GPR15LG: variants seen among roughly 807,000 people sequenced by gnomAD.
The protein encoded by GPR15LG is protein GPR15LG.
the GPR15LG span, among the ~76,000 whole-genome samples, chr10:84,174,974 G>A: frequency 2.0e-5 from 3 of 152,038 alleles, no homozygotes; most frequent in African/African-American, 7.2e-5. Context: ...TTCAAGAGTA[G>A]CCATGTTCAA....
chr10:84,184,898 C>G, the GPR15LG span: 1 of 1,498,918 alleles, frequency 6.7e-7, no homozygotes. Flanking sequence ...TCTCGGGCTG[C>G]AAGGACCCTG....
At chr10:84,183,652 TTA>T in the GPR15LG span, among the ~76,000 whole-genome samples, 3 of 151,672 alleles carry the variant, frequency 2.0e-5, no homozygotes, top group African/African-American at 7.3e-5. Flanking sequence ...TGTTTATTAT[TTA>T]TTTTTTTTTT....
the GPR15LG span, among the ~76,000 whole-genome samples, chr10:84,180,406 ACGGGGTGGCGGCCGGGCAGAG>A: frequency 6.6e-6 from 1 of 152,070 alleles, no homozygotes; most frequent in Non-Finnish European, 1.5e-5. Context: ...CACCTCCCAG[ACGGGGTGGCGGCCGGGCAGAG>A]GGGCTCCTCA....
At chr10:84,176,182 C>T in the GPR15LG span, among the ~76,000 whole-genome samples, 1 of 152,198 alleles carries the variant, frequency 6.6e-6, no homozygotes, top group Non-Finnish European at 1.5e-5. Flanking sequence ...GCCACCACAC[C>T]CAGCTCAGGC....
chr10:84,176,448 G>T, the GPR15LG span: 1 of 1,511,568 alleles, frequency 6.6e-7, no homozygotes, highest in Non-Finnish European at 9.2e-7. Context: ...GCCCACTAAA[G>T]ACAGTCTCTC....
chr10:84,178,672 T>C, the GPR15LG span, among the ~76,000 whole-genome samples: 1 of 152,068 alleles, frequency 6.6e-6, no homozygotes, highest in African/African-American at 2.4e-5. Flanking sequence ...GCACACACAG[T>C]GCATAGGAGA....
chr10:84,179,308 G>A, the GPR15LG span, among the ~76,000 whole-genome samples: 2 of 152,180 alleles, frequency 1.3e-5, no homozygotes, highest in East Asian at 1.9e-4. Flanking sequence ...ATGGTGCCCC[G>A]TAAACATGTC....
the GPR15LG span, among the ~76,000 whole-genome samples, chr10:84,179,318 C>T: frequency 1.3e-5 from 2 of 152,194 alleles, no homozygotes; most frequent in African/African-American, 2.4e-5. Flanking sequence ...GTAAACATGT[C>T]CTGCTGTTGC....
At chr10:84,176,351 C>T in the GPR15LG span, 1 of 724,822 alleles carries the variant, frequency 1.4e-6, no homozygotes, top group African/African-American at 1.7e-5. Flanking sequence ...TTCCCTAGGA[C>T]CTCTCGTAGC....
the GPR15LG span, among the ~76,000 whole-genome samples, chr10:84,175,051 T>A: frequency 1.3e-5 from 2 of 152,224 alleles, no homozygotes; most frequent in Admixed American, 6.5e-5. Flanking sequence ...TGTTCAAGGT[T>A]ATATCTTTTT....
chr10:84,185,123 C>T, the GPR15LG span: 2 of 1,106,920 alleles, frequency 1.8e-6, no homozygotes, highest in African/African-American at 3.4e-5. Context: ...GGGTGGCTGA[C>T]CAAGACTGCA....
At chr10:84,174,436 C>A in the GPR15LG span, among the ~76,000 whole-genome samples, 1 of 151,590 alleles carries the variant, frequency 6.6e-6, no homozygotes, top group East Asian at 1.9e-4. Flanking sequence ...GAAGGGGACA[C>A]CATCTTTTTA....
the GPR15LG span, among the ~76,000 whole-genome samples, chr10:84,174,458 A>C: frequency 2.0e-5 from 3 of 147,416 alleles, no homozygotes; most frequent in African/African-American, 7.5e-5. Flanking sequence ...CTCTATAGAT[A>C]TGAATATTTA....
the GPR15LG span, among the ~76,000 whole-genome samples, chr10:84,183,217 A>G: frequency 1.3e-5 from 2 of 152,214 alleles, no homozygotes; most frequent in African/African-American, 4.8e-5. Context: ...AGATACTATT[A>G]CTATTCTCAC....
At chr10:84,181,151 G>C in the GPR15LG span, among the ~76,000 whole-genome samples, 35,603 of 76,794 alleles carry the variant, frequency 0.46, 9,924 homozygotes, top group African/African-American at 0.67. Flanking sequence ...GAGGGAGAGG[G>C]CTGGGCTCAG....
the GPR15LG span, among the ~76,000 whole-genome samples, chr10:84,180,594 C>T: frequency 6.6e-6 from 1 of 152,076 alleles, no homozygotes; most frequent in Non-Finnish European, 1.5e-5. Flanking sequence ...GCACTCCTCA[C>T]TTCCCAGACT....
the GPR15LG span, among the ~76,000 whole-genome samples, chr10:84,181,358 T>G: frequency 6.6e-6 from 1 of 151,990 alleles, no homozygotes. Flanking sequence ...ATTACAGGCG[T>G]GAGCCACCAT....
chr10:84,176,188 C>G, the GPR15LG span, among the ~76,000 whole-genome samples: 1 of 152,186 alleles, frequency 6.6e-6, no homozygotes, highest in African/African-American at 2.4e-5. Flanking sequence ...ACACCCAGCT[C>G]AGGCTTATTT....
chr10:84,175,761 C>A, the GPR15LG span, among the ~76,000 whole-genome samples: 2 of 152,368 alleles, frequency 1.3e-5, no homozygotes, highest in South Asian at 2.1e-4. Flanking sequence ...CCACCTTGGC[C>A]TCCCAGAGTG....
Sources: allele counts gnomAD v4.1 joint callset (sites outside exome capture counted in the v4.1 genomes callset), GRCh38; gene constraint gnomAD v4.1.1; transcripts MANE v1.5; gene names NCBI Gene and HGNC (gene_info 2026-07-23, HGNC 2026-07-21).